Variants in PPP1R12B observed in about 807,000 individuals in gnomAD.
PPP1R12B encodes myosin phosphatase target subunit 2.
Under a neutral mutation model 126.1 loss-of-function variants are expected in PPP1R12B, and 76 were observed. That is an observed-to-expected ratio of 0.60 (90% CI 0.50 to 0.73). PPP1R12B has a LOEUF of 0.73. PPP1R12B is among the 30% of genes least tolerant of loss of function. The probability of loss-of-function intolerance (pLI) is 0.00; values close to 1 mark genes in which losing one functional copy is unlikely to be tolerated. For synonymous variants in PPP1R12B, 356 were observed against 434.7 expected (o/e 0.82, Z 2.25); for missense variants, 1,052 against 1,205.1 (o/e 0.87, Z 1.88).
intron 23 of PPP1R12B, chr1:202,577,095 T>C (rs1689163608): frequency 6.6e-6 from 1 of 152,230 alleles, no homozygotes; most frequent in Admixed American, 6.5e-5. Flanking sequence ...TTCTGAGCAC[T>C]GTGACTTCCT....
rs1678456404 is a variant in PPP1R12B at position 202,488,621 on chromosome 1, CAAGT to C, written c.1940_1941+2del. The C allele has an allele frequency of 6.2e-7, 1 of 1,605,662 alleles. No homozygotes were observed. ...AGCTCGGCAGACACGAAGGTCTACTCAAGTGAGTGTGGCTTTTTTTAAAATGTCA... is the reference window on the plus strand; with the variant it reads ...AGCTCGGCAGACACGAAGGTCTACTCGAGTGTGGCTTTTTTTAAAATGTCA... On this transcript the variant is annotated splice_donor_variant and coding_sequence_variant, in exon 14 of 24. Transcript: ENST00000608999. LOFTEE classifies it high-confidence loss of function.
intron 1 of PPP1R12B, among the ~76,000 whole-genome samples, chr1:202,404,028 T>C (rs1666219165): frequency 1.3e-5 from 2 of 152,226 alleles, no homozygotes; most frequent in South Asian, 4.1e-4. Flanking sequence ...CTGGTGTCTC[T>C]CATGAGTTTT....
intron 18 of PPP1R12B, among the ~76,000 whole-genome samples, chr1:202,506,484 A>G (rs1680817312): frequency 6.6e-6 from 1 of 152,188 alleles, no homozygotes; most frequent in Non-Finnish European, 1.5e-5. Context: ...TACATCAGTG[A>G]ATTCTGCTTT....
At chr1:202,470,873 T>C (rs1490088096) in intron 13 of PPP1R12B, among the ~76,000 whole-genome samples, 1 of 147,970 alleles carries the variant, frequency 6.8e-6, no homozygotes, top group African/African-American at 2.5e-5. Flanking sequence ...CCAGCTGTAC[T>C]CCAGCCTGGG....
chr1:202,543,499 G>A (rs993585900), intron 18 of PPP1R12B, among the ~76,000 whole-genome samples: 2 of 152,118 alleles, frequency 1.3e-5, no homozygotes, highest in African/African-American at 4.8e-5. Flanking sequence ...CCAGCACTTT[G>A]GGAGGCTGAA....
chr1:202,427,334 TG>T (rs35299399), intron 5 of PPP1R12B, 150 bp downstream of exon 5: 1 of 1,111,960 alleles, frequency 9.0e-7, no homozygotes. Flanking sequence ...ACCCTGCCTC[TG>T]GCCCTATTAA....
intron 1 of PPP1R12B, among the ~76,000 whole-genome samples, chr1:202,355,153 C>T (rs990688563): frequency 1.3e-5 from 2 of 151,928 alleles, no homozygotes; most frequent in African/African-American, 2.4e-5. Context: ...AATCCACCCG[C>T]CTCAGCCTCC....
intron 18 of PPP1R12B, among the ~76,000 whole-genome samples, chr1:202,545,013 A>G (rs2148970217): frequency 6.6e-6 from 1 of 152,340 alleles, no homozygotes; most frequent in South Asian, 2.1e-4. Context: ...AGTACCAAAC[A>G]GTTATTTAGC....
rs1031220780 is a variant in PPP1R12B at position 202,592,073 on chromosome 1, G to A, written c.*11513G>A. On this transcript the variant is annotated 3_prime_UTR_variant, in exon 24 of 24. Coordinates refer to ENST00000608999, the MANE Select transcript of PPP1R12B (RefSeq NM_002481.4). ...GAAGTGGTCTGTGGGGAGCCAGTTG[G>A]AGAGACATGGGGGCTCCTGGGAGGA... 1.0e-4 allele frequency: 16 copies of A among 152,762 alleles called. No homozygotes were observed. Among genetic ancestry groups the A allele is most frequent in the African/African-American group, 3.9e-4 (16 of 41,464 alleles). 9.5% of individuals were successfully genotyped at this position (152,762 alleles called of 1,614,324 possible).
chr1:202,425,563 T>C lies in PPP1R12B; in HGVS notation c.542-3T>C, dbSNP rs376668492. ...CTGGCTGTCTGGTATCTGGTTTCTG[T>C]AGGAGTTGATCTAGAGCAGTCAAGA... On this transcript the variant is annotated splice_polypyrimidine_tract_variant and splice_region_variant and intron_variant, in intron 3 of 23. Coordinates refer to ENST00000608999, the MANE Select transcript of PPP1R12B (RefSeq NM_002481.4). 1 of 1,613,274 alleles carries C rather than the reference T, an allele frequency of 6.2e-7. No individual in the cohort carries two copies. The highest frequency in any genetic ancestry group is 1.3e-5 in the African/African-American group (1 of 74,890).
At chr1:202,383,821 A>T (rs558550660) in intron 1 of PPP1R12B, among the ~76,000 whole-genome samples, 1 of 152,384 alleles carries the variant, frequency 6.6e-6, no homozygotes, top group South Asian at 2.1e-4. Flanking sequence ...ATTGATACAT[A>T]TAACAATAAT....
chr1:202,478,017 T>C (rs542314592), intron 13 of PPP1R12B, among the ~76,000 whole-genome samples: 1 of 152,352 alleles, frequency 6.6e-6, no homozygotes, highest in East Asian at 1.9e-4. Flanking sequence ...ATTATTTTTA[T>C]TTCTGTTTTG....
At chr1:202,356,587 A>C (rs542840808) in intron 1 of PPP1R12B, among the ~76,000 whole-genome samples, 8 of 152,314 alleles carry the variant, frequency 5.3e-5, no homozygotes, top group Non-Finnish European at 1.0e-4. Flanking sequence ...GGTGAGCCCA[A>C]TATAATCACA....
intron 1 of PPP1R12B, among the ~76,000 whole-genome samples, chr1:202,404,323 T>G (rs1666277799): frequency 6.6e-6 from 1 of 152,034 alleles, no homozygotes; most frequent in African/African-American, 2.4e-5. Context: ...CCCCACCCCC[T>G]TTTTAGTCTA....
In PPP1R12B at chr1:202,588,840, TAGA is replaced by T. The variant is rs1689983731; in HGVS notation, c.*8281_*8283del. 1 of 140,674 alleles carries T rather than the reference TAGA, an allele frequency of 7.1e-6. No homozygotes were observed. Among genetic ancestry groups the T allele is most frequent in the South Asian group, 2.2e-4 (1 of 4,646 alleles). The allele number at this position is 140,674 out of a possible 1,614,324, so 8.7% of individuals were successfully genotyped here. ...AAGAACCGTAAGATAGATAGATAGA[TAGA>T]TAGATAGATAGATAGATAGATAGAT... On this transcript the variant is annotated 3_prime_UTR_variant, in exon 24 of 24. Transcript: ENST00000608999.
At chr1:202,514,528 C>T (rs1044530530) in intron 18 of PPP1R12B, among the ~76,000 whole-genome samples, 3 of 151,996 alleles carry the variant, frequency 2.0e-5, no homozygotes, top group African/African-American at 7.3e-5. Flanking sequence ...ATGGTATTGC[C>T]TAGGTTGTCT....
At chr1:202,392,692 A>G (rs1246950160) in intron 1 of PPP1R12B, among the ~76,000 whole-genome samples, 1 of 150,766 alleles carries the variant, frequency 6.6e-6, no homozygotes, top group African/African-American at 2.4e-5. Context: ...CTAATTTCTA[A>G]TTTTTTGTAT....
intron 1 of PPP1R12B, among the ~76,000 whole-genome samples, chr1:202,391,063 C>T (rs1664072025): frequency 6.6e-6 from 1 of 151,390 alleles, no homozygotes; most frequent in African/African-American, 2.4e-5. Context: ...ACCTTGTCCC[C>T]CAAAAAAAGA....
chr1:202,463,890 T>C lies in PPP1R12B; in HGVS notation c.1850+14719T>C, dbSNP rs1397227493. On this transcript the variant is annotated intron_variant, in intron 13 of 23. Transcript: ENST00000608999. ...TATACTTTTCTCTCTATTTTTCTTA[T>C]CCCTTTCTCTCAACTCTTCTTCCTG... is the stretch of plus-strand genomic sequence containing the variant. 2.0e-5 allele frequency among the ~76,000 whole-genome samples: 3 copies of C among 152,310 alleles called. No homozygotes were observed. The South Asian group carries it at 6.2e-4, about 32-fold the overall frequency.
Sources: gnomAD v4.1 joint callset for allele counts (sites outside exome capture counted in the v4.1 genomes callset) on GRCh38, gnomAD v4.1.1 for gene constraint, MANE v1.5 for transcripts, NCBI Gene and HGNC (gene_info 2026-07-23, HGNC 2026-07-21) for gene names.